GALK2: variants seen among roughly 807,000 people sequenced by gnomAD.
GALK2 encodes galactokinase 2.
In GALK2, 36 loss-of-function variants were observed where a neutral mutation model predicts 52.4. The observed-to-expected ratio is 0.69, with a 90% confidence interval of 0.53 to 0.91. GALK2 has a LOEUF of 0.91. Among genes scored for constraint, GALK2 ranks in the 40% least tolerant of loss-of-function variants. The probability of loss-of-function intolerance (pLI) is 0.00; values close to 1 mark genes in which losing one functional copy is unlikely to be tolerated. For synonymous variants in GALK2, 176 were observed against 199.1 expected (o/e 0.88, Z 0.98); for missense variants, 579 against 559.1 (o/e 1.04, Z -0.36).
chr15:49,260,976 A>C (rs946963154), intron 5 of GALK2, among the ~76,000 whole-genome samples: 2 of 151,822 alleles, frequency 1.3e-5, no homozygotes, highest in Non-Finnish European at 2.9e-5. Flanking sequence ...GTAGCCTTGT[A>C]GTATAGTTTG....
chr15:49,178,121 T>C (rs1160156948), intron 1 of GALK2, among the ~76,000 whole-genome samples: 2 of 140,292 alleles, frequency 1.4e-5, no homozygotes, highest in South Asian at 4.5e-4. Context: ...GTGAGTGAGA[T>C]TGTGCCACTG....
chr15:49,199,171 A>G (rs965189943), intron 1 of GALK2: 4 of 152,252 alleles, frequency 2.6e-5, no homozygotes, highest in South Asian at 2.1e-4. Flanking sequence ...AGCTGGAACT[A>G]CAGGCACACC....
chr15:49,328,305 T>TA lies in GALK2; in HGVS notation c.*146_*147insA. 3 of 1,437,352 alleles carry TA rather than the reference T, an allele frequency of 2.1e-6. No homozygotes were observed. Among genetic ancestry groups the TA allele is most frequent in the Non-Finnish European group, 2.7e-6 (3 of 1,099,208 alleles). The allele number at this position is 1,437,352 out of a possible 1,614,324, so 89.0% of individuals were successfully genotyped here. A position where few individuals can be genotyped will look rare whatever the true frequency, so the allele number is the denominator to read the frequency against. The stretch of plus-strand genomic sequence containing the variant: ...CAAGATATATTTTCAAAGAAATGGT[T>TA]GAAAGCTCTCTATGCTTCATAATGA... On this transcript the variant is annotated 3_prime_UTR_variant, in exon 10 of 10. Coordinates refer to ENST00000560031, the MANE Select transcript of GALK2 (RefSeq NM_002044.4).
intron 4 of GALK2, among the ~76,000 whole-genome samples, chr15:49,236,610 A>G (rs2090821553): frequency 6.6e-6 from 1 of 152,264 alleles, no homozygotes; most frequent in African/African-American, 2.4e-5. Context: ...TTGAAAAAGT[A>G]TCAAGGACCA....
chr15:49,245,597 C>T (rs534659587), intron 5 of GALK2, among the ~76,000 whole-genome samples: 1 of 152,232 alleles, frequency 6.6e-6, no homozygotes, highest in Admixed American at 6.5e-5. Context: ...GTGACCAAAT[C>T]AATGGCCTAG....
chr15:49,265,114 CA>C (rs1312929033), intron 5 of GALK2, among the ~76,000 whole-genome samples: 50 of 152,308 alleles, frequency 3.3e-4, no homozygotes, highest in African/African-American at 1.2e-3. Flanking sequence ...AGCTGTCAGA[CA>C]GGGACATTTA....
intron 3 of GALK2, among the ~76,000 whole-genome samples, chr15:49,222,776 C>A (rs2089895959): frequency 6.6e-6 from 1 of 152,116 alleles, no homozygotes; most frequent in African/African-American, 2.4e-5. Flanking sequence ...TTTTGATGTG[C>A]TGTGGGATTC....
In GALK2 at chr15:49,282,101, A is replaced by G; in HGVS notation, c.603+16A>G. 6.4e-7 allele frequency: 1 copy of G among 1,573,370 alleles called. No homozygotes were observed. The highest frequency in any genetic ancestry group is 8.7e-7 in the Non-Finnish European group (1 of 1,147,166). On this transcript the variant is annotated intron_variant, in intron 6 of 9. Coordinates refer to ENST00000560031, the MANE Select transcript of GALK2 (RefSeq NM_002044.4). Reference sequence around the variant, plus strand: ...AGAAGGAACTGTAGGTAGCATTCCAAGTAGGAACCATTCAGAAATTCCTAG... The same window carrying G: ...AGAAGGAACTGTAGGTAGCATTCCAGGTAGGAACCATTCAGAAATTCCTAG...
intron 2 of GALK2, 138 bp from the exon 3 acceptor site, chr15:49,217,052 A>G (rs2089437386): frequency 9.3e-6 from 6 of 644,664 alleles, no homozygotes; most frequent in East Asian, 2.8e-5. Context: ...CTATTTGGCC[A>G]TCTTGCTCTG....
chr15:49,180,934 A>G (rs1305355377), intron 1 of GALK2, among the ~76,000 whole-genome samples: 2 of 152,134 alleles, frequency 1.3e-5, no homozygotes, highest in African/African-American at 2.4e-5. Flanking sequence ...GTGCTCCCAA[A>G]GGACTGTATT....
At chr15:49,237,718 A>C (rs1595786687) in intron 4 of GALK2, among the ~76,000 whole-genome samples, 1 of 151,570 alleles carries the variant, frequency 6.6e-6, no homozygotes, top group South Asian at 2.1e-4. Context: ...TTCGTGACCC[A>C]CCCGCCTCGG....
At chr15:49,256,727 T>G (rs1043307889) in intron 5 of GALK2, among the ~76,000 whole-genome samples, 3 of 152,164 alleles carry the variant, frequency 2.0e-5, no homozygotes, top group Admixed American at 2.0e-4. Context: ...AATATCCTAT[T>G]AACTTTTAAC....
chr15:49,327,031 T>G (rs921695804), intron 9 of GALK2: 5 of 152,146 alleles, frequency 3.3e-5, no homozygotes, highest in Non-Finnish European at 7.4e-5. Context: ...AAGAATTAAT[T>G]GTAAGTACAT....
intron 3 of GALK2, among the ~76,000 whole-genome samples, chr15:49,226,488 G>A (rs1248348056): frequency 2.0e-5 from 3 of 152,126 alleles, no homozygotes; most frequent in African/African-American, 4.8e-5. Flanking sequence ...TTCAGTGGGA[G>A]TGGTGCTTCC....
intron 5 of GALK2, among the ~76,000 whole-genome samples, chr15:49,254,474 C>G (rs1719723685): frequency 6.9e-6 from 1 of 144,084 alleles, no homozygotes; most frequent in African/African-American, 2.5e-5. Flanking sequence ...TTTATGCTGT[C>G]AAGACCTTTT....
At chr15:49,182,944 T>C (rs979487165) in intron 1 of GALK2, among the ~76,000 whole-genome samples, 2 of 152,200 alleles carry the variant, frequency 1.3e-5, no homozygotes, top group African/African-American at 2.4e-5. Context: ...GTCTCTTCAC[T>C]GCATTGATTT....
intron 1 of GALK2, among the ~76,000 whole-genome samples, chr15:49,198,531 T>G (rs541432698): frequency 1.6e-4 from 24 of 152,344 alleles, no homozygotes; most frequent in African/African-American, 5.8e-4. Context: ...TCTACCTGAC[T>G]GCACAGGCCC....
intron 3 of GALK2, among the ~76,000 whole-genome samples, chr15:49,230,515 C>G (rs767171370): frequency 6.6e-6 from 1 of 152,164 alleles, no homozygotes; most frequent in Non-Finnish European, 1.5e-5. Flanking sequence ...CTTACATGAT[C>G]TATTCTAACT....
chr15:49,166,351 T>A (rs2084823173), upstream of GALK2, among the ~76,000 whole-genome samples: 1 of 152,206 alleles, frequency 6.6e-6, no homozygotes, highest in South Asian at 2.1e-4. Context: ...AAATATAGAT[T>A]TCTCTGATTC....
Sources: gnomAD v4.1 joint callset for allele counts (sites outside exome capture counted in the v4.1 genomes callset) on GRCh38, gnomAD v4.1.1 for gene constraint, MANE v1.5 for transcripts, NCBI Gene and HGNC (gene_info 2026-07-23, HGNC 2026-07-21) for gene names.